Variants in MTHFD1L observed in about 807,000 individuals in gnomAD.
MTHFD1L encodes the protein methylenetetrahydrofolate dehydrogenase (NADP+ dependent) 1 like.
A neutral mutation model predicts 119.5 loss-of-function variants in MTHFD1L; 81 were observed. The observed-to-expected ratio is 0.68, with a 90% CI of 0.57 to 0.82. The LOEUF (loss-of-function observed/expected upper bound fraction) is 0.82, where lower values mean the gene tolerates loss of function less well. MTHFD1L is among the 40% of genes least tolerant of loss of function. The probability of loss-of-function intolerance (pLI) is 0.00; values close to 1 mark genes in which losing one functional copy is unlikely to be tolerated. For missense variants in MTHFD1L, 1,125 were observed against 1,253.4 expected (o/e 0.90, Z 1.55); for synonymous variants, 430 against 475.2 (o/e 0.90, Z 1.24).
intron 26 of MTHFD1L, among the ~76,000 whole-genome samples, chr6:151,038,810 C>T (rs1204392676): frequency 2.0e-5 from 3 of 151,932 alleles, no homozygotes; most frequent in East Asian, 1.9e-4. Context: ...CCGTGGGGGC[C>T]GGGGGAAGGG....
chr6:151,027,289 T>C (rs545456407), intron 24 of MTHFD1L, among the ~76,000 whole-genome samples: 9 of 152,306 alleles, frequency 5.9e-5, no homozygotes, highest in South Asian at 2.1e-4. Context: ...TCGTTGTTTG[T>C]TGTGTCTCAT....
intron 24 of MTHFD1L, chr6:151,022,154 G>A (rs1020959048): frequency 2.3e-6 from 1 of 434,698 alleles, no homozygotes; most frequent in Admixed American, 2.5e-5. Flanking sequence ...GATGGCCAGG[G>A]GTGTTTCCTC....
chr6:151,085,406 C>CT (rs1414490097), intron 26 of MTHFD1L, among the ~76,000 whole-genome samples: 1 of 152,168 alleles, frequency 6.6e-6, no homozygotes, highest in Non-Finnish European at 1.5e-5. Flanking sequence ...TTGAACATGA[C>CT]TTACGTCTTA....
intron 26 of MTHFD1L, among the ~76,000 whole-genome samples, chr6:151,089,248 T>C (rs1794146253): frequency 2.6e-5 from 4 of 152,228 alleles, no homozygotes; most frequent in Admixed American, 2.6e-4. Context: ...TTTCTTAAAC[T>C]ATAAAATGCT....
intron 26 of MTHFD1L, among the ~76,000 whole-genome samples, chr6:151,080,077 C>T (rs1792992548): frequency 6.6e-6 from 1 of 151,840 alleles, no homozygotes; most frequent in Non-Finnish European, 1.5e-5. Context: ...ACTCGGGAGG[C>T]TGAGGCAGGA....
rs774473780 is a variant in MTHFD1L, at chr6:150,945,420, T to C, written c.1549-47T>C. On this transcript the variant is annotated intron_variant, in intron 14 of 27. Coordinates refer to ENST00000367321, the MANE Select transcript of MTHFD1L (RefSeq NM_015440.5). ...ATATCCTGTGAATTGTCCAAGTTCA[T>C]GGACAACTAACTTTTGTGTGGTCTC... 9 of 1,506,664 alleles carry C rather than the reference T, an allele frequency of 6.0e-6. No individual in the cohort carries two copies. The South Asian group carries it at 9.4e-5, about 16-fold the overall frequency. The allele number at this position is 1,506,664 out of a possible 1,614,324, so 93.3% of individuals were successfully genotyped here. A position where few individuals can be genotyped will look rare whatever the true frequency, so the allele number is the denominator to read the frequency against.
At chr6:150,939,550 T>C (rs939594858) in intron 13 of MTHFD1L, among the ~76,000 whole-genome samples, 10 of 152,144 alleles carry the variant, frequency 6.6e-5, no homozygotes, top group Non-Finnish European at 1.2e-4. Flanking sequence ...GTCACTTTCC[T>C]GTTCTGTCAT....
At chr6:150,934,864 A>C in intron 11 of MTHFD1L, 1 of 1,397,708 alleles carries the variant, frequency 7.2e-7, no homozygotes, top group Non-Finnish European at 9.6e-7. Context: ...TTGGACCCAA[A>C]CTCCAGATCG....
intron 26 of MTHFD1L, among the ~76,000 whole-genome samples, chr6:151,091,203 G>T (rs62441058): frequency 1.5e-5 from 2 of 136,588 alleles, no homozygotes; most frequent in Admixed American, 7.3e-5. Flanking sequence ...CGTTCCATGC[G>T]ACTGGGTGCA....
In MTHFD1L at chr6:151,092,546, G is replaced by C. The variant is rs776338297; in HGVS notation, c.2927G>C (p.Gly976Ala). ...GATACCGAAACAGAACAAGTTAAAG[G>C]CTTGTTCTAAGTGGACAAGGCTCTC... ...DLDTETEQVK[G>A]LF The change falls in exon 27 of 28, where the codon GGC (glycine) becomes GCC (alanine). Residue 976 changes from glycine (G) to alanine (A), a missense_variant. Physicochemically the swap from Gly to Ala is moderately conservative, Grantham distance 60. This residue lies in a region of MTHFD1L where 61 missense variants were observed against 78.9 expected (regional missense o/e 0.77). Transcript: ENST00000367321. 23 of 1,613,622 alleles carry C rather than the reference G, an allele frequency of 1.4e-5. No homozygotes were observed. Among genetic ancestry groups the C allele is most frequent in the East Asian group, 2.2e-5 (1 of 44,884 alleles).
At chr6:150,999,381 A>G (rs1477833118) in intron 20 of MTHFD1L, among the ~76,000 whole-genome samples, 1 of 152,142 alleles carries the variant, frequency 6.6e-6, no homozygotes, top group Non-Finnish European at 1.5e-5. Context: ...AGTTCTCAGG[A>G]GTTGCAAGAA....
At chr6:151,078,076 C>CAAAAAAA (rs1792757607) in intron 26 of MTHFD1L, among the ~76,000 whole-genome samples, 2 of 81,572 alleles carry the variant, frequency 2.5e-5, no homozygotes, top group Admixed American at 1.2e-4. Flanking sequence ...AAAAAAAAAT[C>CAAAAAAA]AAGGAAAATA....
At chr6:150,973,718 G>A (rs1470662212) in intron 20 of MTHFD1L, among the ~76,000 whole-genome samples, 1 of 152,172 alleles carries the variant, frequency 6.6e-6, no homozygotes. Flanking sequence ...AGCCCTCTGT[G>A]TGACCTTGAA....
At chr6:151,050,660 T>C (rs1355397663) in intron 26 of MTHFD1L, among the ~76,000 whole-genome samples, 3 of 152,022 alleles carry the variant, frequency 2.0e-5, no homozygotes, top group African/African-American at 7.2e-5. Flanking sequence ...TCTGACACTA[T>C]CTCTGGGTAG....
At chr6:151,053,086 G>A (rs1044231649) in intron 26 of MTHFD1L, among the ~76,000 whole-genome samples, 2 of 152,188 alleles carry the variant, frequency 1.3e-5, no homozygotes, top group African/African-American at 4.8e-5. Flanking sequence ...AAATAGAATT[G>A]TCCTGCAAAT....
At chr6:150,992,274 T>C (rs1046268829) in intron 20 of MTHFD1L, among the ~76,000 whole-genome samples, 1 of 152,162 alleles carries the variant, frequency 6.6e-6, no homozygotes, top group African/African-American at 2.4e-5. Flanking sequence ...AAATGCACAA[T>C]GAAAAAACAA....
At chr6:150,956,246 G>C (rs1195856389) in intron 17 of MTHFD1L, among the ~76,000 whole-genome samples, 175 bp downstream of exon 17, 2 of 152,216 alleles carry the variant, frequency 1.3e-5, no homozygotes, top group African/African-American at 2.4e-5. Context: ...AGAGGCTCCA[G>C]TGTCTTTTTA....
chr6:150,999,791 G>T (rs1161408665), intron 20 of MTHFD1L, among the ~76,000 whole-genome samples: 1 of 152,156 alleles, frequency 6.6e-6, no homozygotes, highest in Non-Finnish European at 1.5e-5. Context: ...TGCTCTGGAG[G>T]AAGGAAATTC....
chr6:150,905,272 T>C (rs1246578142), intron 7 of MTHFD1L, among the ~76,000 whole-genome samples: 1 of 152,074 alleles, frequency 6.6e-6, no homozygotes, highest in African/African-American at 2.4e-5. Flanking sequence ...GACCTCGTGA[T>C]CCACCTGCCT....
Sources: gnomAD v4.1 joint callset for allele counts (sites outside exome capture counted in the v4.1 genomes callset) on GRCh38, gnomAD v4.1.1 for gene constraint, gnomAD v4.1.1 regional missense constraint, MANE v1.5 for transcripts, NCBI Gene and HGNC (gene_info 2026-07-23, HGNC 2026-07-21) for gene names.